Variants in DCDC2 observed in about 807,000 individuals in gnomAD.
DCDC2 encodes doublecortin domain containing 2, also known as doublecortin domain-containing protein 2.
In DCDC2, 40 loss-of-function variants were observed where a neutral mutation model predicts 50.2. The observed-to-expected ratio is 0.80, with a 90% CI of 0.62 to 1.04. The LOEUF (loss-of-function observed/expected upper bound fraction) is 1.04, where lower values mean the gene tolerates loss of function less well. DCDC2 is among the 50% of genes least tolerant of loss of function. The pLI is 0.00. For synonymous variants in DCDC2, 234 were observed against 210.6 expected (o/e 1.11, Z -0.96); for missense variants, 570 against 581.9 (o/e 0.98, Z 0.21).
chr6:24,294,934 TGAG>T (rs1442261541), intron 4 of DCDC2, among the ~76,000 whole-genome samples: 1 of 152,006 alleles, frequency 6.6e-6, no homozygotes, highest in Non-Finnish European at 1.5e-5. Context: ...TCCAAAAAAT[TGAG>T]GAGGAGGAAC....
chr6:24,311,591 T>C (rs1759571229), intron 2 of DCDC2, among the ~76,000 whole-genome samples: 1 of 152,216 alleles, frequency 6.6e-6, no homozygotes, highest in Admixed American at 6.5e-5. Context: ...GTAAAACACA[T>C]CAGAATTTAC....
intron 6 of DCDC2, among the ~76,000 whole-genome samples, chr6:24,280,231 T>C (rs2113821196): frequency 6.6e-6 from 1 of 152,308 alleles, no homozygotes; most frequent in Admixed American, 6.5e-5. Context: ...TACAAGTAAA[T>C]GAATTATGCA....
the DCDC2 span, among the ~76,000 whole-genome samples, chr6:24,371,294 GA>G: frequency 3.0e-3 from 353 of 117,550 alleles, 2 homozygotes; most frequent in Non-Finnish European, 4.7e-3. Context: ...AAAAAAAAAA[GA>G]AAAGAAAAGA....
intron 7 of DCDC2, among the ~76,000 whole-genome samples, chr6:24,222,472 G>T (rs1046102294): frequency 6.6e-6 from 1 of 152,016 alleles, no homozygotes; most frequent in Non-Finnish European, 1.5e-5. Flanking sequence ...TTCTGTAAAA[G>T]GCATAATTGC....
At chr6:24,338,532 A>G (rs751939677) in intron 2 of DCDC2, among the ~76,000 whole-genome samples, 1 of 152,168 alleles carries the variant, frequency 6.6e-6, no homozygotes, top group African/African-American at 2.4e-5. Context: ...CTCTCCCATC[A>G]TGAGTGGCAC....
At chr6:24,211,077 T>C (rs1461052250) in intron 7 of DCDC2, among the ~76,000 whole-genome samples, 2 of 152,240 alleles carry the variant, frequency 1.3e-5, no homozygotes, top group African/African-American at 2.4e-5. Flanking sequence ...TTCTCTGCCT[T>C]GCACTTACTG....
intron 4 of DCDC2, among the ~76,000 whole-genome samples, chr6:24,293,097 G>A (rs968752976): frequency 9.2e-5 from 14 of 152,156 alleles, no homozygotes; most frequent in East Asian, 1.9e-4. Flanking sequence ...TAAGTAAAAC[G>A]CAGTGAATAA....
chr6:24,260,492 G>T (rs1375223326), intron 7 of DCDC2, among the ~76,000 whole-genome samples: 1 of 152,192 alleles, frequency 6.6e-6, no homozygotes, highest in Non-Finnish European at 1.5e-5. Flanking sequence ...CAGGGTGAAT[G>T]CAGGAATAAA....
intron 8 of DCDC2, among the ~76,000 whole-genome samples, chr6:24,198,465 A>G (rs1761497838): frequency 6.6e-6 from 1 of 152,234 alleles, no homozygotes; most frequent in Non-Finnish European, 1.5e-5. Flanking sequence ...GGAATGGTGC[A>G]TTCCAGCCCG....
chr6:24,226,516 G>T (rs984944664), intron 7 of DCDC2, among the ~76,000 whole-genome samples: 2 of 152,148 alleles, frequency 1.3e-5, no homozygotes, highest in African/African-American at 4.8e-5. Context: ...AAAGAGACAG[G>T]CTCCACTCTT....
At chr6:24,364,713 A>G in the DCDC2 span, among the ~76,000 whole-genome samples, 2 of 152,108 alleles carry the variant, frequency 1.3e-5, no homozygotes, top group Non-Finnish European at 2.9e-5. Flanking sequence ...GCTCCTGTAG[A>G]AGGAAACATA....
At chr6:24,332,895 G>A (rs532190695) in intron 2 of DCDC2, among the ~76,000 whole-genome samples, 120 of 152,212 alleles carry the variant, frequency 7.9e-4, no homozygotes, top group Non-Finnish European at 1.5e-3. Flanking sequence ...TAACCTCTTG[G>A]AGTTTACAAT....
chr6:24,239,742 T>C (rs1762527113), intron 7 of DCDC2, among the ~76,000 whole-genome samples: 2 of 152,192 alleles, frequency 1.3e-5, no homozygotes, highest in African/African-American at 2.4e-5. Flanking sequence ...TTTATATAAA[T>C]AAAGAAGAAT....
intron 2 of DCDC2, 77 bp downstream of exon 2, chr6:24,353,492 C>A (rs948357279): frequency 2.3e-6 from 2 of 886,970 alleles, no homozygotes; most frequent in East Asian, 4.9e-5. Context: ...AGAATGCCGT[C>A]CAAATCTCTA....
chr6:24,230,487 A>AT (rs1762318384), intron 7 of DCDC2, among the ~76,000 whole-genome samples: 1 of 152,096 alleles, frequency 6.6e-6, no homozygotes, highest in Admixed American at 6.6e-5. Flanking sequence ...ACAAAAAAAT[A>AT]AATATAATTA....
intron 7 of DCDC2, among the ~76,000 whole-genome samples, chr6:24,257,697 GA>G (rs11366184): frequency 0.1 from 14,018 of 137,744 alleles, 1,634 homozygotes; most frequent in African/African-American, 0.29. Flanking sequence ...TGAAGTTGGG[GA>G]AAAAAAAAAA....
chr6:24,318,724 A>G (rs535328802), intron 2 of DCDC2, among the ~76,000 whole-genome samples: 24 of 151,984 alleles, frequency 1.6e-4, no homozygotes, highest in Middle Eastern at 3.4e-3. Context: ...TGTTGCGGCA[A>G]AAGACATAAT....
chr6:24,259,820 T>G (rs1282898456), intron 7 of DCDC2, among the ~76,000 whole-genome samples: 1 of 152,222 alleles, frequency 6.6e-6, no homozygotes, highest in Non-Finnish European at 1.5e-5. Context: ...ATTCTGCTAC[T>G]TGTAATATCC....
At chr6:24,264,066 CAA>C (rs766546662) in intron 7 of DCDC2, among the ~76,000 whole-genome samples, 1 of 151,940 alleles carries the variant, frequency 6.6e-6, no homozygotes, top group Non-Finnish European at 1.5e-5. Flanking sequence ...CCTGACAGAC[CAA>C]GAGAGAGTGG....
Sources: gnomAD v4.1 joint callset for allele counts (sites outside exome capture counted in the v4.1 genomes callset) on GRCh38, gnomAD v4.1.1 for gene constraint, MANE v1.5 for transcripts, NCBI Gene and HGNC (gene_info 2026-07-23, HGNC 2026-07-21) for gene names.